The following NIPSNAP1 variants were observed in gnomAD, a reference collection of about 807,000 sequenced individuals.
The protein encoded by NIPSNAP1 is protein NipSnap homolog 1.
NIPSNAP1 carries 25 observed loss-of-function variants against 49.2 expected under a neutral mutation model. The observed-to-expected ratio is 0.51, with a 90% CI of 0.37 to 0.71. The LOEUF (loss-of-function observed/expected upper bound fraction) is 0.71, where lower values mean the gene tolerates loss of function less well. Ranked by LOEUF, NIPSNAP1 falls within the 30% of genes least tolerant of loss-of-function variation. The pLI, the probability that NIPSNAP1 is intolerant of heterozygous loss-of-function variation, is 0.00. For synonymous variants in NIPSNAP1, 143 were observed against 140.7 expected, an observed-to-expected ratio of 1.02 and a Z score of -0.12; for missense variants, 294 against 361.0, an observed-to-expected ratio of 0.81 and a Z score of 1.50.
chr22:29,578,863 C>G (rs1282225486), intron 1 of NIPSNAP1, among the ~76,000 whole-genome samples: 1 of 151,054 alleles, frequency 6.6e-6, no homozygotes, highest in Non-Finnish European at 1.5e-5. Context: ...GTTTGCCACA[C>G]AAATGGTTTT....
chr22:29,555,792 C>T lies in NIPSNAP1; in HGVS notation c.*143G>A, dbSNP rs572654298. Reference sequence around the variant, plus strand: ...GTAATCCTCAGAACTTGTCAGCCTTCAGTTCCCCCTTGTCTGAACTGAGCA... The same window carrying T: ...GTAATCCTCAGAACTTGTCAGCCTTTAGTTCCCCCTTGTCTGAACTGAGCA... On this transcript the variant is annotated 3_prime_UTR_variant, in exon 10 of 10. Transcript: ENST00000216121. 5.4e-5 allele frequency: 41 copies of T among 761,570 alleles called. 1 individual carries two copies. In the East Asian group the frequency reaches 1.1e-3, roughly 20 times the overall value. The allele number at this position is 761,570 out of a possible 1,614,324, so 47.2% of individuals were successfully genotyped here. A position where few individuals can be genotyped will look rare whatever the true frequency, so the allele number is the denominator to read the frequency against.
In NIPSNAP1 at chr22:29,580,007, C is replaced by T. The variant is rs190635251; in HGVS notation, c.98+978G>A. On this transcript the variant is annotated intron_variant, in intron 1 of 9. Transcript: ENST00000216121. ...TGTAACATCTCATGGCAGGCACTAT[C>T]AGAACTTTGCAGCTTCATTCCTGGG... is the stretch of plus-strand genomic sequence containing the variant. 3.1e-5 allele frequency: 34 copies of T among 1,103,310 alleles called. No individual in the cohort carries two copies. The East Asian group carries it at 1.1e-3, about 34-fold the overall frequency. 68.3% of individuals were successfully genotyped at this position (1,103,310 alleles called of 1,614,324 possible).
chr22:29,573,842 G>T (rs1487725934), intron 1 of NIPSNAP1, among the ~76,000 whole-genome samples: 2 of 151,816 alleles, frequency 1.3e-5, no homozygotes. Flanking sequence ...AGGAGGCTGA[G>T]GTGGGAAGAT....
intron 2 of NIPSNAP1, 37 bp from the exon 3 acceptor site, chr22:29,570,244 G>C: frequency 6.2e-7 from 1 of 1,611,576 alleles, no homozygotes; most frequent in Non-Finnish European, 8.5e-7. Context: ...GTGAGGTAGG[G>C]TGTGTACACA....
At chr22:29,574,756 G>C (rs1418042947) in intron 1 of NIPSNAP1, among the ~76,000 whole-genome samples, 2 of 144,644 alleles carry the variant, frequency 1.4e-5, no homozygotes, top group Non-Finnish European at 3.0e-5. Context: ...TCCAGACTGG[G>C]CTACAAGAGC....
intron 7 of NIPSNAP1, 92 bp downstream of exon 7, chr22:29,561,079 T>C (rs1395420337): frequency 1.7e-5 from 21 of 1,208,174 alleles, no homozygotes; most frequent in Non-Finnish European, 2.5e-5. Flanking sequence ...CCCTGTGATA[T>C]GGCCCTGGAA....
chr22:29,570,527 T>C lies in NIPSNAP1; in HGVS notation c.104A>G (p.Tyr35Cys). ...CCAGCTGCCTTCATTGTCCTTGGAA[T>C]AGAAACTGCAGGACAGAGGAGTTGA... ...DVASAAAARFYSKDNEGSWFR... is the reference protein window; with the variant it reads ...DVASAAAARFCSKDNEGSWFR... Residue 35 changes from tyrosine to cysteine, a missense_variant, in exon 2 of 10, where the codon TAT (tyrosine) becomes TGT (cysteine). Transcript: ENST00000216121. 1.2e-6 allele frequency: 2 copies of C among 1,613,494 alleles called. No individual in the cohort carries two copies. Among genetic ancestry groups the C allele is most frequent in the Non-Finnish European group, 1.7e-6 (2 of 1,179,780 alleles).
intron 4 of NIPSNAP1, 31 bp from the exon 5 acceptor site, chr22:29,561,893 G>A (rs2064338549): frequency 1.2e-6 from 2 of 1,609,884 alleles, no homozygotes; most frequent in Admixed American, 1.7e-5. Context: ...AGGTCAGTGA[G>A]CTGCTGGGAC....
At chr22:29,574,452 G>A (rs1360180613) in intron 1 of NIPSNAP1, among the ~76,000 whole-genome samples, 2 of 151,706 alleles carry the variant, frequency 1.3e-5, no homozygotes, top group Admixed American at 6.6e-5. Context: ...GAACTCTCTC[G>A]ATCATTGTAC....
intron 1 of NIPSNAP1, among the ~76,000 whole-genome samples, chr22:29,571,224 G>A (rs936039259): frequency 6.6e-6 from 1 of 152,138 alleles, no homozygotes; most frequent in South Asian, 2.1e-4. Flanking sequence ...CTCTGGAAGA[G>A]CCCAGGTGAA....
chr22:29,565,063 G>C (rs752090519), intron 4 of NIPSNAP1, among the ~76,000 whole-genome samples: 5 of 151,964 alleles, frequency 3.3e-5, no homozygotes, highest in Non-Finnish European at 7.4e-5. Flanking sequence ...ACTAGCCCAG[G>C]CATGGTGGTG....
At chr22:29,575,546 T>C (rs573605263) in intron 1 of NIPSNAP1, among the ~76,000 whole-genome samples, 1 of 152,302 alleles carries the variant, frequency 6.6e-6, no homozygotes, top group African/African-American at 2.4e-5. Context: ...AATTACAATG[T>C]TCTCCTACCC....
In NIPSNAP1 at chr22:29,572,823, A is replaced by C. The variant is rs144095461; in HGVS notation, c.99-2291T>G. Among the ~76,000 whole-genome samples, 181 of 151,844 alleles carry C rather than the reference A, an allele frequency of 1.2e-3. 2 individuals are homozygous for C. Among genetic ancestry groups the C allele is most frequent in the African/African-American group, 3.5e-3 (145 of 41,460 alleles). ...CAAAAAAATAAAATAAAATAAAATAAAATACAATAATTAGCCGGGTGTGGT... is the reference window on the plus strand; with the variant it reads ...CAAAAAAATAAAATAAAATAAAATACAATACAATAATTAGCCGGGTGTGGT... On this transcript the variant is annotated intron_variant, in intron 1 of 9. Transcript: ENST00000216121.
intron 1 of NIPSNAP1, chr22:29,579,724 G>A (rs181087266): frequency 1.8e-4 from 38 of 209,290 alleles, no homozygotes; most frequent in Non-Finnish European, 3.2e-4. Context: ...CACCATACCC[G>A]ACCAACCACA....
intron 1 of NIPSNAP1, among the ~76,000 whole-genome samples, chr22:29,574,652 TCC>T (rs1262548478): frequency 1.3e-5 from 2 of 151,614 alleles, no homozygotes; most frequent in African/African-American, 4.8e-5. Context: ...GGTGGTGCAA[TCC>T]TGTAATCCCA....
chr22:29,560,685 G>A lies in NIPSNAP1; in HGVS notation c.706+49C>T, dbSNP rs374806206. ...AACCCCATTGGCTACAGAGAGTGAT[G>A]ACAGAGAAAGAGAACTAACAAAAGG... On this transcript the variant is annotated intron_variant, in intron 8 of 9. Coordinates refer to ENST00000216121, the MANE Select transcript of NIPSNAP1 (RefSeq NM_003634.4). 4.6e-5 allele frequency: 67 copies of A among 1,458,298 alleles called. No individual in the cohort carries two copies. In the African/African-American group the frequency reaches 7.8e-4, roughly 17 times the overall value. The allele number at this position is 1,458,298 out of a possible 1,614,324, so 90.3% of individuals were successfully genotyped here.
intron 4 of NIPSNAP1, chr22:29,564,515 G>A (rs2064356726): frequency 2.3e-6 from 1 of 429,986 alleles, no homozygotes; most frequent in Non-Finnish European, 4.7e-6. Context: ...CTGGATTTAA[G>A]AGACTGTCCT....
At chr22:29,567,788 T>G (rs1215019440) in intron 4 of NIPSNAP1, among the ~76,000 whole-genome samples, 8 of 151,704 alleles carry the variant, frequency 5.3e-5, no homozygotes, top group African/African-American at 1.5e-4. Context: ...CTCAGGAGGT[T>G]AAGGCTGTGT....
chr22:29,578,331 T>C (rs1427381951), intron 1 of NIPSNAP1, among the ~76,000 whole-genome samples: 3 of 151,254 alleles, frequency 2.0e-5, no homozygotes, highest in Non-Finnish European at 4.4e-5. Flanking sequence ...CCACTGTGCC[T>C]GGCCAAATTT....
Sources: gnomAD v4.1 joint callset for allele counts (sites outside exome capture counted in the v4.1 genomes callset) on GRCh38, gnomAD v4.1.1 for gene constraint, MANE v1.5 for transcripts, NCBI Gene and HGNC (gene_info 2026-07-23, HGNC 2026-07-21) for gene names.